TBC1D22A: variants seen among roughly 807,000 people sequenced by gnomAD.
TBC1D22A encodes the protein putative GTPase activator.
Under a neutral mutation model 60.2 loss-of-function variants are expected in TBC1D22A, and 38 were observed. The observed-to-expected ratio is 0.63, with a 90% confidence interval of 0.49 to 0.83. The LOEUF is 0.83. Ranked by LOEUF, TBC1D22A falls within the 40% of genes least tolerant of loss-of-function variation. The pLI, the probability that TBC1D22A is intolerant of heterozygous loss-of-function variation, is 0.00. For synonymous variants in TBC1D22A, 302 were observed against 281.7 expected (o/e 1.07, Z -0.72); for missense variants, 628 against 701.0 (o/e 0.90, Z 1.18).
chr22:46,927,512 A>G (rs543314619), intron 8 of TBC1D22A, among the ~76,000 whole-genome samples: 34 of 152,354 alleles, frequency 2.2e-4, no homozygotes, highest in Non-Finnish European at 4.3e-4. Context: ...TGAAAAGACA[A>G]AGTTTTTCCC....
intron 8 of TBC1D22A, among the ~76,000 whole-genome samples, chr22:46,972,577 T>C (rs2074111639): frequency 6.6e-6 from 1 of 152,070 alleles, no homozygotes; most frequent in Admixed American, 6.5e-5. Context: ...CAGTGTGAAA[T>C]GTCCAGAATA....
chr22:46,993,336 C>T lies in TBC1D22A; in HGVS notation c.1126-4298C>T, dbSNP rs190078112. On this transcript the variant is annotated intron_variant, in intron 9 of 12. Coordinates refer to ENST00000337137, the MANE Select transcript of TBC1D22A (RefSeq NM_014346.5). ...ACTTCACCTTCTGTGAAACATTTCA[C>T]AACAGATCGTTGTCTTCAGCCCTTC... Among the ~76,000 whole-genome samples, 228 of 152,326 alleles carry T rather than the reference C, an allele frequency of 1.5e-3. 2 individuals are homozygous for T. The highest frequency in any genetic ancestry group is 5.2e-3 in the African/African-American group (217 of 41,568).
At chr22:46,854,803 T>C (rs937259010) in intron 4 of TBC1D22A, among the ~76,000 whole-genome samples, 4 of 152,226 alleles carry the variant, frequency 2.6e-5, no homozygotes, top group Admixed American at 6.5e-5. Flanking sequence ...ACTCCTGATA[T>C]TTAATGCCTT....
intron 8 of TBC1D22A, among the ~76,000 whole-genome samples, chr22:46,966,997 C>G (rs1233112456): frequency 6.6e-6 from 1 of 152,148 alleles, no homozygotes. Context: ...GCCACCTCGT[C>G]TAGCCATGCT....
chr22:47,133,479 G>A (rs979447693), intron 12 of TBC1D22A, among the ~76,000 whole-genome samples: 1 of 152,198 alleles, frequency 6.6e-6, no homozygotes, highest in African/African-American at 2.4e-5. Flanking sequence ...GGCCGCCTGT[G>A]GGGGGTGCTG....
intron 9 of TBC1D22A, among the ~76,000 whole-genome samples, chr22:46,977,236 T>C (rs1462516227): frequency 1.3e-5 from 2 of 152,244 alleles, no homozygotes; most frequent in Non-Finnish European, 2.9e-5. Flanking sequence ...TACCTTTGGA[T>C]GTCCTGGATG....
intron 4 of TBC1D22A, among the ~76,000 whole-genome samples, chr22:46,852,444 A>G (rs2147286688): frequency 6.6e-6 from 1 of 152,266 alleles, no homozygotes; most frequent in South Asian, 2.1e-4. Context: ...GAGGCTGAGC[A>G]CAAGCTTATG....
chr22:46,779,135 A>G (rs2083829556), intron 1 of TBC1D22A, among the ~76,000 whole-genome samples: 1 of 152,258 alleles, frequency 6.6e-6, no homozygotes, highest in Admixed American at 6.5e-5. Flanking sequence ...TATTACGTAC[A>G]GTACATAATG....
At chr22:47,139,536 C>T (rs1302875889) in intron 12 of TBC1D22A, among the ~76,000 whole-genome samples, 1 of 152,200 alleles carries the variant, frequency 6.6e-6, no homozygotes, top group Non-Finnish European at 1.5e-5. Flanking sequence ...GAGCAGAGCA[C>T]CTCCAGGGGG....
intron 8 of TBC1D22A, among the ~76,000 whole-genome samples, chr22:46,968,742 T>G (rs989736321): frequency 6.6e-6 from 1 of 152,226 alleles, no homozygotes; most frequent in African/African-American, 2.4e-5. Flanking sequence ...CTTCTGACCC[T>G]TTTTGTTTTC....
intron 7 of TBC1D22A, among the ~76,000 whole-genome samples, chr22:46,907,056 C>T (rs1438172099): frequency 1.3e-5 from 2 of 149,176 alleles, no homozygotes; most frequent in Non-Finnish European, 1.5e-5. Flanking sequence ...TGTGCATGTG[C>T]TCTTCTCCAC....
intron 9 of TBC1D22A, among the ~76,000 whole-genome samples, chr22:46,995,329 C>G (rs567761166): frequency 6.4e-4 from 97 of 152,316 alleles, no homozygotes; most frequent in African/African-American, 2.3e-3. Context: ...GAGCCTGTCA[C>G]TTGAAATCCA....
intron 11 of TBC1D22A, among the ~76,000 whole-genome samples, chr22:47,050,393 C>T (rs908574372): frequency 6.6e-6 from 1 of 152,218 alleles, no homozygotes; most frequent in African/African-American, 2.4e-5. Context: ...GACAGAAACA[C>T]CCTGATTCTA....
chr22:46,912,407 A>G (rs900629834), intron 8 of TBC1D22A, among the ~76,000 whole-genome samples: 45 of 152,322 alleles, frequency 3.0e-4, no homozygotes, highest in African/African-American at 9.6e-4. Flanking sequence ...ATAATGATGA[A>G]TATCTTCTTT....
intron 8 of TBC1D22A, among the ~76,000 whole-genome samples, chr22:46,919,965 T>G (rs552646965): frequency 1.3e-5 from 2 of 152,260 alleles, no homozygotes; most frequent in Admixed American, 1.3e-4. Context: ...GAGGGAACCT[T>G]TATGGCAACT....
chr22:46,814,680 T>C (rs148143609), intron 4 of TBC1D22A, among the ~76,000 whole-genome samples: 1,682 of 152,114 alleles, frequency 0.011, 38 homozygotes, highest in African/African-American at 0.039. Context: ...GGAGTCTCAC[T>C]CTGTTGCCCA....
intron 12 of TBC1D22A, among the ~76,000 whole-genome samples, chr22:47,156,496 G>A (rs2067723813): frequency 6.6e-6 from 1 of 152,152 alleles, no homozygotes. Context: ...GGTGGGTGTG[G>A]AGGACACCTC....
At chr22:46,899,844 A>T (rs1035988312) in intron 7 of TBC1D22A, among the ~76,000 whole-genome samples, 1 of 152,122 alleles carries the variant, frequency 6.6e-6, no homozygotes, top group Non-Finnish European at 1.5e-5. Context: ...ACATGGTTGT[A>T]TACTTAGCTG....
At chr22:47,061,240 T>A (rs1201770724) in intron 11 of TBC1D22A, among the ~76,000 whole-genome samples, 1 of 152,178 alleles carries the variant, frequency 6.6e-6, no homozygotes, top group African/African-American at 2.4e-5. Flanking sequence ...TAAGCCACGC[T>A]GTCTTCCTCG....
Sources: gnomAD v4.1 joint callset for allele counts (sites outside exome capture counted in the v4.1 genomes callset) on GRCh38, gnomAD v4.1.1 for gene constraint, MANE v1.5 for transcripts, NCBI Gene and HGNC (gene_info 2026-07-23, HGNC 2026-07-21) for gene names.